SORCS1: variants seen among roughly 807,000 people sequenced by gnomAD.
The protein encoded by SORCS1 is VPS10 domain-containing receptor SorCS1.
SORCS1 carries 60 observed loss-of-function variants against 146.1 expected under a neutral mutation model. The observed-to-expected ratio is 0.41, with a 90% CI of 0.33 to 0.51. SORCS1 has a LOEUF of 0.51. Among genes scored for constraint, SORCS1 ranks in the 20% least tolerant of loss-of-function variants. The pLI is 0.21. For missense variants in SORCS1, 1,352 were observed against 1,487.6 expected, an observed-to-expected ratio of 0.91 and a Z score of 1.50; for synonymous variants, 637 against 584.0, an observed-to-expected ratio of 1.09 and a Z score of -1.31.
At chr10:106,897,010 C>G (rs780260070) in intron 2 of SORCS1, among the ~76,000 whole-genome samples, 1 of 150,796 alleles carries the variant, frequency 6.6e-6, no homozygotes, top group Admixed American at 6.6e-5. Flanking sequence ...CCTGCCTCAG[C>G]CTCCCGAGTA....
chr10:106,913,507 G>A (rs1398829631), intron 2 of SORCS1, among the ~76,000 whole-genome samples: 1 of 152,182 alleles, frequency 6.6e-6, no homozygotes, highest in African/African-American at 2.4e-5. Context: ...CTGGCTATTG[G>A]GGATTCCTGA....
intron 5 of SORCS1, among the ~76,000 whole-genome samples, chr10:106,760,308 A>G (rs993180433): frequency 3.3e-5 from 5 of 151,678 alleles, no homozygotes; most frequent in African/African-American, 9.7e-5. Flanking sequence ...GCCAGGCGTG[A>G]TGGTGGGCGC....
intron 2 of SORCS1, among the ~76,000 whole-genome samples, chr10:106,942,107 G>C (rs990477602): frequency 6.6e-6 from 1 of 152,180 alleles, no homozygotes; most frequent in Non-Finnish European, 1.5e-5. Flanking sequence ...TTTATAAAAG[G>C]CTTTTCTGAT....
intron 1 of SORCS1, among the ~76,000 whole-genome samples, chr10:107,047,014 A>T (rs1959538116): frequency 6.6e-6 from 1 of 152,062 alleles, no homozygotes; most frequent in Admixed American, 6.6e-5. Flanking sequence ...TTTGAGATGG[A>T]ATCTCGCTCT....
At chr10:106,943,918 T>C (rs1954180206) in intron 2 of SORCS1, among the ~76,000 whole-genome samples, 3 of 152,216 alleles carry the variant, frequency 2.0e-5, no homozygotes, top group Non-Finnish European at 4.4e-5. Context: ...TCCTCTGGAA[T>C]GTCCAAGACA....
intron 1 of SORCS1, among the ~76,000 whole-genome samples, chr10:106,976,333 G>GTTTT (rs1554901318): frequency 1.8e-5 from 2 of 113,814 alleles, no homozygotes; most frequent in Non-Finnish European, 3.4e-5. Flanking sequence ...AGGTTTTTTT[G>GTTTT]TTTTTTTTTT....
intron 1 of SORCS1, among the ~76,000 whole-genome samples, chr10:106,957,392 G>A (rs537574149): frequency 3.6e-4 from 55 of 151,916 alleles, no homozygotes; most frequent in African/African-American, 1.1e-3. Flanking sequence ...GGCTGGTCTC[G>A]AACTCCTGAC....
chr10:106,685,256 G>T, intron 10 of SORCS1, among the ~76,000 whole-genome samples: 1 of 152,092 alleles, frequency 6.6e-6, no homozygotes, highest in Middle Eastern at 3.2e-3. Flanking sequence ...CACTCCCAAC[G>T]TGGCACCCCT....
chr10:106,903,971 A>G (rs554898440), intron 2 of SORCS1, among the ~76,000 whole-genome samples: 48 of 152,290 alleles, frequency 3.2e-4, no homozygotes, highest in African/African-American at 1.1e-3. Context: ...TCTTCCCTCA[A>G]TCCTCACTTA....
intron 2 of SORCS1, among the ~76,000 whole-genome samples, chr10:106,843,656 C>G (rs998461336): frequency 1.3e-5 from 2 of 152,048 alleles, no homozygotes; most frequent in Non-Finnish European, 2.9e-5. Flanking sequence ...AGGATGGTCT[C>G]CATCTCCTGA....
At chr10:107,115,038 T>C (rs1590171334) in intron 1 of SORCS1, among the ~76,000 whole-genome samples, 1 of 151,840 alleles carries the variant, frequency 6.6e-6, no homozygotes, top group African/African-American at 2.4e-5. Flanking sequence ...TAAGATAAAT[T>C]TGGCCAAACA....
intron 1 of SORCS1, among the ~76,000 whole-genome samples, chr10:107,105,800 C>T (rs1368282391): frequency 1.3e-5 from 2 of 152,198 alleles, no homozygotes. Flanking sequence ...CTCCCAGACA[C>T]ACCCAGGAAC....
At chr10:106,645,201 C>T (rs1027381803) in intron 18 of SORCS1, among the ~76,000 whole-genome samples, 2 of 130,886 alleles carry the variant, frequency 1.5e-5, no homozygotes, top group Non-Finnish European at 3.1e-5. Context: ...GGGAGTCTCA[C>T]TTTGTCAACC....
chr10:106,924,115 G>A (rs748148611), intron 2 of SORCS1, among the ~76,000 whole-genome samples: 14 of 152,116 alleles, frequency 9.2e-5, no homozygotes, highest in African/African-American at 2.4e-4. Context: ...TTAGTCGGGC[G>A]TGGAGGCACA....
At chr10:106,996,231 A>T (rs1267948794) in intron 1 of SORCS1, among the ~76,000 whole-genome samples, 1 of 48,302 alleles carries the variant, frequency 2.1e-5, no homozygotes, top group African/African-American at 7.3e-5. Flanking sequence ...CATCTAAAAA[A>T]AAAAAAAAAA....
At chr10:107,065,836 C>T (rs1011301869) in intron 1 of SORCS1, among the ~76,000 whole-genome samples, 2 of 151,964 alleles carry the variant, frequency 1.3e-5, no homozygotes, top group Non-Finnish European at 2.9e-5. Context: ...AACATTTCAT[C>T]CATAATCCCA....
intron 1 of SORCS1, among the ~76,000 whole-genome samples, chr10:107,140,907 G>C (rs117071676): frequency 6.6e-6 from 1 of 152,088 alleles, no homozygotes; most frequent in Non-Finnish European, 1.5e-5. Flanking sequence ...AATATTTCCC[G>C]ACTGGTAAAC....
intron 3 of SORCS1, among the ~76,000 whole-genome samples, chr10:106,796,371 T>A (rs1276972583): frequency 6.6e-6 from 1 of 152,160 alleles, no homozygotes; most frequent in Non-Finnish European, 1.5e-5. Flanking sequence ...AGATCAGAAA[T>A]TTTCAAGAAG....
At chr10:107,020,720 A>G (rs1034783516) in intron 1 of SORCS1, among the ~76,000 whole-genome samples, 4 of 152,220 alleles carry the variant, frequency 2.6e-5, no homozygotes, top group African/African-American at 7.2e-5. Flanking sequence ...AGACCTTTCT[A>G]AAGAATTTTG....
Sources: allele counts gnomAD v4.1 joint callset (sites outside exome capture counted in the v4.1 genomes callset), GRCh38; gene constraint gnomAD v4.1.1; transcripts MANE v1.5; gene names NCBI Gene and HGNC (gene_info 2026-07-23, HGNC 2026-07-21).